Variants in GRIN2A observed in about 807,000 individuals in gnomAD.
GRIN2A encodes the protein glutamate ionotropic receptor NMDA type subunit 2A.
In GRIN2A, 22 loss-of-function variants were observed where a neutral mutation model predicts 113.4. The ratio of observed to expected loss-of-function variants is 0.19; its 90% CI spans 0.14 to 0.28. The LOEUF is 0.28. GRIN2A is among the 10% of genes least tolerant of loss of function. The pLI, the probability that GRIN2A is intolerant of heterozygous loss-of-function variation, is 1.00. For synonymous variants in GRIN2A, 827 were observed against 738.4 expected, an observed-to-expected ratio of 1.12 and a Z score of -1.94; for missense variants, 1,502 against 1,887.0, an observed-to-expected ratio of 0.80 and a Z score of 3.78.
chr16:10,022,463 A>C (rs1338761950), intron 2 of GRIN2A, among the ~76,000 whole-genome samples: 1 of 152,158 alleles, frequency 6.6e-6, no homozygotes, highest in Non-Finnish European at 1.5e-5. Context: ...TCACCTGTGG[A>C]GGTTTAGCCT....
At chr16:9,866,093 T>G (rs998577859) in intron 4 of GRIN2A, among the ~76,000 whole-genome samples, 6 of 152,214 alleles carry the variant, frequency 3.9e-5, no homozygotes, top group African/African-American at 1.4e-4. Context: ...TGTCAACCCC[T>G]GCTCTAAGTC....
chr16:9,924,131 A>AC (rs2044410940), intron 3 of GRIN2A, among the ~76,000 whole-genome samples: 1 of 150,944 alleles, frequency 6.6e-6, no homozygotes, highest in South Asian at 2.1e-4. Flanking sequence ...AAAAAAAAAA[A>AC]AAAAAAAACA....
At chr16:9,998,984 C>T (rs2046275856) in intron 2 of GRIN2A, among the ~76,000 whole-genome samples, 1 of 152,134 alleles carries the variant, frequency 6.6e-6, no homozygotes, top group Non-Finnish European at 1.5e-5. Context: ...TTTCTTTAGT[C>T]AGCTCAGAGC....
chr16:9,916,243 A>T (rs555595633), intron 3 of GRIN2A, among the ~76,000 whole-genome samples: 2 of 152,310 alleles, frequency 1.3e-5, no homozygotes, highest in Admixed American at 1.3e-4. Flanking sequence ...AATTATGTCT[A>T]ATTAGGAGGG....
intron 2 of GRIN2A, among the ~76,000 whole-genome samples, chr16:10,038,419 G>C (rs536079261): frequency 6.6e-6 from 1 of 152,102 alleles, no homozygotes; most frequent in East Asian, 1.9e-4. Flanking sequence ...CGAACATTTG[G>C]GGCTGGATAA....
At chr16:9,977,641 C>T (rs3848323) in intron 2 of GRIN2A, among the ~76,000 whole-genome samples, 74,395 of 151,930 alleles carry the variant, frequency 0.49, 18,637 homozygotes, top group Middle Eastern at 0.56. Context: ...GTTCAGGCAG[C>T]TTTGCCACTA....
intron 2 of GRIN2A, among the ~76,000 whole-genome samples, chr16:10,148,932 T>A (rs949268498): frequency 6.6e-6 from 1 of 152,174 alleles, no homozygotes; most frequent in Non-Finnish European, 1.5e-5. Context: ...TGGATAGAAC[T>A]GGAAGTCATG....
intron 2 of GRIN2A, among the ~76,000 whole-genome samples, chr16:10,026,374 T>C (rs189181317): frequency 3.9e-5 from 6 of 152,300 alleles, no homozygotes; most frequent in Non-Finnish European, 5.9e-5. Context: ...GTACAGGGAA[T>C]CTATTGCTAT....
At chr16:9,956,954 T>A (rs1386269938) in intron 2 of GRIN2A, among the ~76,000 whole-genome samples, 4 of 152,162 alleles carry the variant, frequency 2.6e-5, no homozygotes, top group Non-Finnish European at 5.9e-5. Context: ...GCTAATAAAA[T>A]GTATTTGTAT....
At chr16:9,781,591 G>A (rs140257997) in intron 11 of GRIN2A, among the ~76,000 whole-genome samples, 232 of 152,146 alleles carry the variant, frequency 1.5e-3, no homozygotes, top group Middle Eastern at 0.01. Context: ...GAACTCCTGG[G>A]CTCAAGCAAT....
intron 2 of GRIN2A, among the ~76,000 whole-genome samples, chr16:10,165,188 C>T (rs1453054032): frequency 6.6e-6 from 1 of 151,964 alleles, no homozygotes; most frequent in Non-Finnish European, 1.5e-5. Flanking sequence ...GAGATATCCA[C>T]AGAATAGAAA....
At chr16:9,865,739 G>A (rs1000207997) in intron 4 of GRIN2A, among the ~76,000 whole-genome samples, 12 of 152,164 alleles carry the variant, frequency 7.9e-5, no homozygotes, top group Non-Finnish European at 1.5e-4. Flanking sequence ...TGGTAACACA[G>A]CAGTGAATAG....
At chr16:9,962,449 A>T (rs181842065) in intron 2 of GRIN2A, among the ~76,000 whole-genome samples, 1 of 151,982 alleles carries the variant, frequency 6.6e-6, no homozygotes, top group Non-Finnish European at 1.5e-5. Flanking sequence ...AAAAGTGGGC[A>T]AAGGATATGA....
chr16:9,849,943 G>C lies in GRIN2A; in HGVS notation c.1141C>G (p.His381Asp). ...ACGGCGTGCCTCAGGCTCAGCGTAT[G>C]GTTCTCCCACTTGCCCACCTGCAGC... is the stretch of plus-strand genomic sequence containing the variant. Reference protein sequence around the residue: ...EWEKVGKWENHTLSLRHAVWP... With the variant: ...EWEKVGKWENDTLSLRHAVWP... Residue 381 changes from histidine to aspartate, a missense_variant, in exon 5 of 13, where the codon CAT becomes GAT. His to Asp is a moderately conservative substitution (Grantham distance 81). Around this residue, in one of 7 missense-constraint regions of GRIN2A, gnomAD observed 334 missense variants for 403.0 expected, o/e 0.83. Transcript: ENST00000330684. 6.2e-7 allele frequency: 1 copy of C among 1,613,928 alleles called. No individual in the cohort carries two copies. Among genetic ancestry groups the C allele is most frequent in the Non-Finnish European group, 8.5e-7 (1 of 1,179,862 alleles).
At chr16:9,971,651 A>C (rs1267663982) in intron 2 of GRIN2A, among the ~76,000 whole-genome samples, 2 of 152,222 alleles carry the variant, frequency 1.3e-5, no homozygotes. Context: ...GTCTAACTTT[A>C]CCATAAAAAT....
chr16:9,983,442 CTTTT>C (rs149545344), intron 2 of GRIN2A, among the ~76,000 whole-genome samples: 1 of 141,624 alleles, frequency 7.1e-6, no homozygotes. Flanking sequence ...GTTATTTATT[CTTTT>C]TTTTTTTTTT....
In GRIN2A at chr16:10,022,496, G is replaced by A. The variant is rs188829119; in HGVS notation, c.415-83945C>T. Among the ~76,000 whole-genome samples the A allele has an allele frequency of 5.9e-5, 9 of 152,252 alleles. No homozygotes were observed. The East Asian group carries it at 1.7e-3, about 29-fold the overall frequency. On this transcript the variant is annotated intron_variant, in intron 2 of 12. Transcript: ENST00000330684. ...CCTCGCTTTAAAGTCCAGCACTGATGCTAGTTTCATTTTCCTCTACATCCC... is the reference window on the plus strand; with the variant it reads ...CCTCGCTTTAAAGTCCAGCACTGATACTAGTTTCATTTTCCTCTACATCCC...
chr16:9,961,821 T>C (rs947268642), intron 2 of GRIN2A, among the ~76,000 whole-genome samples: 1 of 152,160 alleles, frequency 6.6e-6, no homozygotes, highest in Non-Finnish European at 1.5e-5. Flanking sequence ...CAATGCCAAG[T>C]TAATCCTCAG....
intron 2 of GRIN2A, among the ~76,000 whole-genome samples, chr16:9,957,643 C>T (rs1199895185): frequency 3.3e-5 from 5 of 152,148 alleles, no homozygotes; most frequent in African/African-American, 4.8e-5. Context: ...ATGATGTCAT[C>T]GCATCATAAT....
Sources: gnomAD v4.1 joint callset for allele counts (sites outside exome capture counted in the v4.1 genomes callset) on GRCh38, gnomAD v4.1.1 for gene constraint, gnomAD v4.1.1 regional missense constraint, MANE v1.5 for transcripts, NCBI Gene and HGNC (gene_info 2026-07-23, HGNC 2026-07-21) for gene names.